The following NRG1 variants were observed in gnomAD, a reference collection of about 807,000 sequenced individuals.
The protein encoded by NRG1 is neuregulin 1.
A neutral mutation model predicts 63.8 loss-of-function variants in NRG1; 18 were observed. The ratio of observed to expected loss-of-function variants is 0.28; its 90% confidence interval spans 0.19 to 0.42. The LOEUF (loss-of-function observed/expected upper bound fraction) is 0.42, where lower values mean the gene tolerates loss of function less well. Ranked by LOEUF, NRG1 falls within the 10% of genes least tolerant of loss-of-function variation. The pLI is 1.00. For missense variants in NRG1, 762 were observed against 814.7 expected, an observed-to-expected ratio of 0.94 and a Z score of 0.79; for synonymous variants, 302 against 301.3, an observed-to-expected ratio of 1.00 and a Z score of -0.02.
exon 1 of NRG1, chr8:32,548,343 C>G: frequency 2.0e-6 from 2 of 1,008,308 alleles, no homozygotes; most frequent in Non-Finnish European, 2.4e-6. Context: ...CGCGCGGAGG[C>G]CAGGAGCTGA....
exon 1 of NRG1, chr8:32,548,542 C>T (rs1381207058): frequency 8.0e-7 from 1 of 1,253,692 alleles, no homozygotes; most frequent in Non-Finnish European, 1.0e-6. Flanking sequence ...GGCCGGACCG[C>T]CCGCCGCGTC....
chr8:32,648,507 T>TATGTTTGAG, intron 5 of NRG1: 1 of 1,380,630 alleles, frequency 7.2e-7, no homozygotes, highest in Non-Finnish European at 9.6e-7. Context: ...AAGCAAAGCC[T>TATGTTTGAG]ATGTTTGAGA....
rs192165373 is a variant in NRG1, at chr8:31,715,756, G to A, written c.37+76325G>A. Among the ~76,000 whole-genome samples the A allele has an allele frequency of 1.2e-3, 184 of 152,218 alleles. 1 individual carries two copies. The highest frequency in any genetic ancestry group is 2.8e-4 in the Non-Finnish European group (19 of 68,008). On this transcript the variant is annotated intron_variant, in intron 1 of 10. Transcript: ENST00000519301. ...GTGGGACTTTGAGGATAGAGCCTCC[G>A]TAACAGGATAAGTTATTCTACATGA...
At chr8:32,704,662 C>T (rs1045952420) in intron 5 of NRG1, among the ~76,000 whole-genome samples, 5 of 152,172 alleles carry the variant, frequency 3.3e-5, no homozygotes, top group African/African-American at 1.2e-4. Context: ...CACTTCTGTG[C>T]AATAAATCTC....
chr8:31,857,323 T>A (rs1490710119), intron 1 of NRG1, among the ~76,000 whole-genome samples: 1 of 152,222 alleles, frequency 6.6e-6, no homozygotes, highest in Non-Finnish European at 1.5e-5. Flanking sequence ...GATGCGCTGT[T>A]TTTTAAGCCG....
At chr8:31,922,223 T>C (rs907277019) in intron 1 of NRG1, among the ~76,000 whole-genome samples, 1 of 152,164 alleles carries the variant, frequency 6.6e-6, no homozygotes, top group African/African-American at 2.4e-5. Flanking sequence ...GTTGTTTTCA[T>C]GGTGGCTGTG....
intron 11 of NRG1, 150 bp from the exon 12 acceptor site, chr8:32,763,598 A>G (rs1163364781): frequency 9.5e-7 from 1 of 1,057,312 alleles, no homozygotes; most frequent in South Asian, 1.8e-5. Context: ...AGGGTGTGGA[A>G]TTTCCTAGCC....
At position 32,619,374 on chromosome 8, in the gene NRG1, G is replaced by A. The variant is rs185724514; in HGVS notation, c.502+2489G>A. 8.5e-5 allele frequency among the ~76,000 whole-genome samples: 13 copies of A among 152,252 alleles called. No homozygotes were observed. The East Asian group carries it at 1.7e-3, about 20-fold the overall frequency. On this transcript the variant is annotated intron_variant, in intron 5 of 11. Coordinates refer to ENST00000356819, the Ensembl canonical transcript of NRG1. Reference sequence around the variant, plus strand: ...GTTGGAGTAGAAGGAACAAAGGGATGAAATATAGAAGATGAGGGCCACAGA... The same window carrying A: ...GTTGGAGTAGAAGGAACAAAGGGATAAAATATAGAAGATGAGGGCCACAGA...
At chr8:31,804,750 C>A (rs571872018) in intron 1 of NRG1, among the ~76,000 whole-genome samples, 1 of 152,086 alleles carries the variant, frequency 6.6e-6, no homozygotes, top group South Asian at 2.1e-4. Context: ...ATGAGGCACA[C>A]CCACATTGAA....
chr8:31,700,303 T>C (rs1810504190), intron 1 of NRG1, among the ~76,000 whole-genome samples: 1 of 152,170 alleles, frequency 6.6e-6, no homozygotes, highest in Non-Finnish European at 1.5e-5. Context: ...GGTGGTATTC[T>C]TGATAGACTT....
Position 31,663,155 on chromosome 8 carries a change from G to A in NRG1, c.37+23724G>A, listed in dbSNP as rs10104118. ...AGAAGCTCCCTGAGACTGGTTTGGTGTAAGGGCTGTCAGTCTGCTCCACAA... is the reference window on the plus strand; with the variant it reads ...AGAAGCTCCCTGAGACTGGTTTGGTATAAGGGCTGTCAGTCTGCTCCACAA... On this transcript the variant is annotated intron_variant, in intron 1 of 10. Transcript: ENST00000519301. Among the ~76,000 whole-genome samples the A allele has an allele frequency of 2.6e-5, 4 of 152,300 alleles. No individual in the cohort carries two copies. In the East Asian group the frequency reaches 5.8e-4, roughly 22 times the overall value.
chr8:32,710,734 T>A (rs1817603217), intron 5 of NRG1, among the ~76,000 whole-genome samples: 1 of 152,184 alleles, frequency 6.6e-6, no homozygotes, highest in Non-Finnish European at 1.5e-5. Flanking sequence ...CTGATAACTT[T>A]CATATTATAC....
At chr8:32,131,820 C>T (rs905365323) in intron 1 of NRG1, among the ~76,000 whole-genome samples, 4 of 152,010 alleles carry the variant, frequency 2.6e-5, no homozygotes, top group African/African-American at 9.7e-5. Flanking sequence ...TCATTTCCTT[C>T]TTTGTGCATT....
intron 1 of NRG1, among the ~76,000 whole-genome samples, chr8:32,127,497 C>T (rs1311231215): frequency 6.6e-6 from 1 of 150,406 alleles, no homozygotes; most frequent in Admixed American, 6.7e-5. Context: ...TTGAACCCTA[C>T]TCTGTTGGGT....
intron 1 of NRG1, among the ~76,000 whole-genome samples, chr8:32,366,672 T>C (rs1227904269): frequency 1.7e-4 from 8 of 48,484 alleles, no homozygotes; most frequent in Admixed American, 2.6e-4. Flanking sequence ...TGTGTGTGTG[T>C]GTGTGTATAT....
rs371624469 is a variant in NRG1, at chr8:31,862,685, T to A, written c.37+223254T>A. Among the ~76,000 whole-genome samples the A allele has an allele frequency of 1.2e-3, 182 of 152,332 alleles. 2 individuals are homozygous for A. The South Asian group carries it at 0.021, about 17-fold the overall frequency. On this transcript the variant is annotated intron_variant, in intron 1 of 10. Transcript: ENST00000519301. ...TAATTTTGCTTGTTTTTTGTTTGTG[T>A]AGTAGCTAAATATGCTAAGAGAATG...
At chr8:31,931,032 T>C (rs1447367661) in intron 1 of NRG1, among the ~76,000 whole-genome samples, 1 of 152,180 alleles carries the variant, frequency 6.6e-6, no homozygotes, top group Non-Finnish European at 1.5e-5. Flanking sequence ...TCATCAATGT[T>C]GTAGAGTTTG....
intron 1 of NRG1, among the ~76,000 whole-genome samples, chr8:32,431,719 G>A (rs1331462382): frequency 6.6e-6 from 1 of 151,316 alleles, no homozygotes; most frequent in Non-Finnish European, 1.5e-5. Flanking sequence ...TGTATTGATA[G>A]TCTCTGTCAA....
intron 1 of NRG1, among the ~76,000 whole-genome samples, chr8:32,415,122 G>A (rs1171459555): frequency 6.6e-6 from 1 of 152,016 alleles, no homozygotes; most frequent in Non-Finnish European, 1.5e-5. Flanking sequence ...ATAGAAGGCA[G>A]GTTTCACTTT....
Sources: allele counts gnomAD v4.1 joint callset (sites outside exome capture counted in the v4.1 genomes callset), GRCh38; gene constraint gnomAD v4.1.1; transcripts MANE v1.5; gene names NCBI Gene and HGNC (gene_info 2026-07-23, HGNC 2026-07-21).